The following CTNNA3 variants were observed in gnomAD, a reference collection of about 807,000 sequenced individuals.
The protein encoded by CTNNA3 is catenin alpha 3, also known as catenin alpha-3.
Under a neutral mutation model 95.7 loss-of-function variants are expected in CTNNA3, and 76 were observed. The observed-to-expected ratio is 0.79, with a 90% CI of 0.66 to 0.96. The LOEUF is 0.96. Among genes scored for constraint, CTNNA3 ranks in the 40% least tolerant of loss-of-function variants. The probability of loss-of-function intolerance (pLI) is 0.00; values close to 1 mark genes in which losing one functional copy is unlikely to be tolerated. For missense variants in CTNNA3, 1,191 were observed against 1,089.8 expected (o/e 1.09, Z -1.31); for synonymous variants, 431 against 374.4 (o/e 1.15, Z -1.74).
Position 66,286,981 on chromosome 10 carries a change from C to T in CTNNA3, c.1733-6360G>A, listed in dbSNP as rs376607755. Among the ~76,000 whole-genome samples the T allele has an allele frequency of 5.0e-4, 76 of 151,962 alleles. No individual in the cohort carries two copies. In the South Asian group the frequency reaches 0.015, roughly 31 times the overall value. On this transcript the variant is annotated intron_variant, in intron 12 of 17. Transcript: ENST00000433211. The stretch of plus-strand genomic sequence containing the variant: ...ACATATTTGAGGGTACATATGATAA[C>T]TTAATACCTTCATGTAATTTGAAAT...
intron 3 of CTNNA3, among the ~76,000 whole-genome samples, chr10:67,577,215 G>T (rs1239165646): frequency 6.6e-6 from 1 of 151,810 alleles, no homozygotes; most frequent in African/African-American, 2.4e-5. Context: ...TCCAGCACCT[G>T]TTGTTTCCTG....
chr10:67,560,150 C>T (rs1841444946), intron 3 of CTNNA3, among the ~76,000 whole-genome samples: 1 of 152,042 alleles, frequency 6.6e-6, no homozygotes, highest in Non-Finnish European at 1.5e-5. Context: ...CACAAAGATA[C>T]TCCTCGAGAA....
At chr10:66,298,862 C>T (rs528872477) in intron 12 of CTNNA3, among the ~76,000 whole-genome samples, 15 of 152,140 alleles carry the variant, frequency 9.9e-5, no homozygotes, top group South Asian at 4.1e-4. Context: ...ATGAAACCTA[C>T]GAAAGGAAAA....
At chr10:66,302,959 A>G (rs2091884089) in intron 12 of CTNNA3, among the ~76,000 whole-genome samples, 1 of 152,162 alleles carries the variant, frequency 6.6e-6, no homozygotes, top group African/African-American at 2.4e-5. Flanking sequence ...TTACAGATTA[A>G]AAGGGAAATT....
At chr10:66,998,498 C>G (rs774915910) in intron 7 of CTNNA3, among the ~76,000 whole-genome samples, 3 of 151,674 alleles carry the variant, frequency 2.0e-5, no homozygotes, top group Non-Finnish European at 4.4e-5. Context: ...ATGCTTTTTG[C>G]AAGACACACA....
At chr10:67,011,218 G>A (rs1404217298) in intron 7 of CTNNA3, among the ~76,000 whole-genome samples, 1 of 151,842 alleles carries the variant, frequency 6.6e-6, no homozygotes, top group African/African-American at 2.4e-5. Flanking sequence ...GTATGTGACT[G>A]TAGTCCCAGC....
intron 7 of CTNNA3, among the ~76,000 whole-genome samples, chr10:66,959,195 A>T (rs1848989237): frequency 6.6e-6 from 1 of 152,146 alleles, no homozygotes; most frequent in East Asian, 1.9e-4. Flanking sequence ...AGCAGATTCA[A>T]CTTTTTGACA....
At chr10:66,402,953 A>G (rs72804799) in intron 11 of CTNNA3, among the ~76,000 whole-genome samples, 5,832 of 151,790 alleles carry the variant, frequency 0.038, 182 homozygotes, top group Non-Finnish European at 0.061. Context: ...GGAGAAAGTC[A>G]CTCCCCCTAC....
chr10:66,840,366 TCTCTCTCACA>T (rs1391932326), intron 7 of CTNNA3, among the ~76,000 whole-genome samples: 1,025 of 82,680 alleles, frequency 0.012, 1 homozygote, highest in Middle Eastern at 0.039. Flanking sequence ...TCTCTCTCTC[TCTCTCTCACA>T]CACACACACA....
chr10:66,329,909 C>G (rs2092304234), intron 12 of CTNNA3, among the ~76,000 whole-genome samples: 1 of 151,922 alleles, frequency 6.6e-6, no homozygotes, highest in Non-Finnish European at 1.5e-5. Context: ...TGCTGTTTTT[C>G]ATCAGAAACG....
At chr10:67,101,988 T>C (rs1858374079) in intron 7 of CTNNA3, among the ~76,000 whole-genome samples, 1 of 151,838 alleles carries the variant, frequency 6.6e-6, no homozygotes, top group Middle Eastern at 3.4e-3. Context: ...GGCAGGTATT[T>C]GGCCTCAGGA....
At chr10:67,210,555 T>C (rs1864098643) in intron 6 of CTNNA3, among the ~76,000 whole-genome samples, 2 of 152,168 alleles carry the variant, frequency 1.3e-5, no homozygotes, top group South Asian at 4.1e-4. Context: ...CTAATTAACA[T>C]GTCCATCATC....
intron 10 of CTNNA3, among the ~76,000 whole-genome samples, chr10:66,534,578 C>T (rs972194947): frequency 2.0e-5 from 3 of 148,964 alleles, no homozygotes; most frequent in Admixed American, 6.7e-5. Flanking sequence ...AAATAAAATT[C>T]CCTGAGAATA....
intron 5 of CTNNA3, among the ~76,000 whole-genome samples, chr10:67,276,894 T>C (rs1394842064): frequency 6.6e-6 from 1 of 151,796 alleles, no homozygotes; most frequent in African/African-American, 2.4e-5. Flanking sequence ...AATCTATATA[T>C]ACACATATAT....
At chr10:66,350,985 C>T (rs1359332809) in intron 12 of CTNNA3, among the ~76,000 whole-genome samples, 2 of 152,024 alleles carry the variant, frequency 1.3e-5, no homozygotes, top group South Asian at 2.1e-4. Context: ...TTAGTGATTT[C>T]CTAGTAAACA....
chr10:66,299,214 A>C lies in CTNNA3; in HGVS notation c.1733-18593T>G, dbSNP rs1465235052. Among the ~76,000 whole-genome samples, 3 of 152,274 alleles carry C rather than the reference A, an allele frequency of 2.0e-5. No individual in the cohort carries two copies. The East Asian group carries it at 5.8e-4, about 30-fold the overall frequency. On this transcript the variant is annotated intron_variant, in intron 12 of 17. Transcript: ENST00000433211. ...TATAAAACCAACCTGTGTTCTCACC[A>C]TCTTAGATGCATGTCATTAGGACCT...
intron 5 of CTNNA3, among the ~76,000 whole-genome samples, chr10:67,306,973 C>T (rs1156252793): frequency 6.6e-6 from 1 of 151,986 alleles, no homozygotes. Flanking sequence ...CTATCAAAGA[C>T]TCAGAGCAGG....
intron 7 of CTNNA3, among the ~76,000 whole-genome samples, chr10:67,072,206 A>T (rs977017398): frequency 1.3e-5 from 2 of 152,050 alleles, no homozygotes; most frequent in Non-Finnish European, 2.9e-5. Flanking sequence ...CTTCCACCTT[A>T]GCCTCCCAAA....
intron 13 of CTNNA3, among the ~76,000 whole-genome samples, chr10:66,246,090 C>T (rs11527369): frequency 0.34 from 52,053 of 152,082 alleles, 9,829 homozygotes; most frequent in East Asian, 0.43. Flanking sequence ...GGGATGTACC[C>T]CCTTCCACCC....
Sources: gnomAD v4.1 joint callset for allele counts (sites outside exome capture counted in the v4.1 genomes callset) on GRCh38, gnomAD v4.1.1 for gene constraint, MANE v1.5 for transcripts, NCBI Gene and HGNC (gene_info 2026-07-23, HGNC 2026-07-21) for gene names.